The following TEX51 variants were observed in gnomAD, a reference collection of about 807,000 sequenced individuals.
The protein encoded by TEX51 is testis-expressed protein 51.
TEX51 carries 14 observed loss-of-function variants against 8.0 expected under a neutral mutation model. The observed-to-expected ratio is 1.76, with a 90% CI of 1.16 to 2.75. TEX51 has a LOEUF of 2.75. Among genes scored for constraint, TEX51 ranks in the 30% most tolerant of loss-of-function variants. The pLI, the probability that TEX51 is intolerant of heterozygous loss-of-function variation, is 0.00. For synonymous variants in TEX51, 58 were observed against 28.6 expected (o/e 2.03, Z -3.29); for missense variants, 142 against 77.4 (o/e 1.83, Z -3.13).
In TEX51 at chr2:126,901,961, C is replaced by A. The variant is rs1259919085; in HGVS notation, c.*92C>A. The stretch of plus-strand genomic sequence containing the variant: ...TCACTCATCTCTGGGTCCCGGTGAC[C>A]CCATCCCCCCATACCCTCCATCCTG... On this transcript the variant is annotated 3_prime_UTR_variant, in exon 7 of 7. Transcript: ENST00000568484. The A allele has an allele frequency of 3.0e-6, 2 of 662,012 alleles. No homozygotes were observed. The highest frequency in any genetic ancestry group is 2.7e-6 in the Non-Finnish European group (1 of 364,736). 41.0% of individuals were successfully genotyped at this position (662,012 alleles called of 1,614,324 possible).
At chr2:126,900,095 C>T (rs1351298325) in intron 4 of TEX51, 76 bp downstream of exon 4, 1 of 693,674 alleles carries the variant, frequency 1.4e-6, no homozygotes, top group Non-Finnish European at 2.6e-6. Context: ...CTCTGTCATT[C>T]TCTTTTGCCC....
chr2:126,899,897 A>T, intron 3 of TEX51, 39 bp from the exon 4 acceptor site: 2 of 702,106 alleles, frequency 2.8e-6, no homozygotes, highest in South Asian at 3.0e-5. Context: ...GATGAAAGGC[A>T]CCTGGCACCC....
In TEX51 at chr2:126,899,966, G is replaced by A. The variant is rs1364531073; in HGVS notation, c.341G>A (p.Cys114Tyr). ...CAGTCCACACTGAAGGTCACCAGCT[G>A]TGCTGACTGCAGGACTCACTTCCTC... ...DIQSTLKVTS[C>Y]ADCRTHFLSC... is the part of the protein sequence containing the mutation. Residue 114 changes from cysteine (C) to tyrosine (Y), a missense_variant, in exon 4 of 7, where the codon TGT (cysteine) becomes TAT (tyrosine). Cys to Tyr is a radical substitution (Grantham distance 194, BLOSUM62 -2). Transcript: ENST00000568484. 5 of 701,676 alleles carry A rather than the reference G, an allele frequency of 7.1e-6. 1 individual carries two copies. The highest frequency in any genetic ancestry group is 3.0e-5 in the South Asian group (2 of 67,558). 43.5% of individuals were successfully genotyped at this position (701,676 alleles called of 1,614,324 possible). A position where few individuals can be genotyped will look rare whatever the true frequency, so the allele number is the denominator to read the frequency against.
At chr2:126,899,314 G>A in intron 2 of TEX51, 23 bp downstream of exon 2, 2 of 702,142 alleles carry the variant, frequency 2.8e-6, no homozygotes, top group East Asian at 5.4e-5. Context: ...AGAGCCCCAG[G>A]GCCTTGGGGC....
Position 126,899,029 on chromosome 2 carries a change from G to T in TEX51, c.111G>T (p.Trp37Cys). ...TAGACTATGACCTGCAGATCCTCTG[G>T]GTGACCCCAGGGCCACCCACAGAAC... is the stretch of plus-strand genomic sequence containing the variant. ...ALIDYDLQIL[W>C]VTPGPPTELS... Residue 37 changes from tryptophan to cysteine, a missense_variant, in exon 1 of 7, where the codon TGG becomes TGT. Coordinates refer to ENST00000568484, the MANE Select transcript of TEX51 (RefSeq NM_001322244.2). 1.4e-6 allele frequency: 1 copy of T among 702,234 alleles called. No individual in the cohort carries two copies. The highest frequency in any genetic ancestry group is 1.7e-5 in the African/African-American group (1 of 57,316). 43.5% of individuals were successfully genotyped at this position (702,234 alleles called of 1,614,324 possible). A position where few individuals can be genotyped will look rare whatever the true frequency, so the allele number is the denominator to read the frequency against.
At chr2:126,899,721 A>G (rs1277600408) in intron 3 of TEX51, 109 bp downstream of exon 3, 24 of 696,570 alleles carry the variant, frequency 3.4e-5, no homozygotes, top group Non-Finnish European at 6.3e-5. Context: ...CAGGAGCCCC[A>G]CCCCTCTCCA....
At chr2:126,900,065 A>G (rs775435682) in intron 4 of TEX51, 46 bp downstream of exon 4, 6 of 699,336 alleles carry the variant, frequency 8.6e-6, no homozygotes, top group South Asian at 5.9e-5. Flanking sequence ...CCTGCCCTGC[A>G]TTTCTGGAGC....
At chr2:126,900,261 C>A (rs956043215) in intron 4 of TEX51, among the ~76,000 whole-genome samples, 5 of 152,066 alleles carry the variant, frequency 3.3e-5, no homozygotes, top group African/African-American at 9.6e-5. Flanking sequence ...AGATGCCATG[C>A]CTAGAAACAT....
intron 4 of TEX51, among the ~76,000 whole-genome samples, chr2:126,900,446 C>T (rs1680269666): frequency 6.6e-6 from 1 of 151,800 alleles, no homozygotes. Context: ...TGCCCAATCC[C>T]ATCAAACCCC....
chr2:126,899,792 T>C (rs2104714664), intron 3 of TEX51, 144 bp from the exon 4 acceptor site: 2 of 701,992 alleles, frequency 2.8e-6, no homozygotes, highest in East Asian at 2.7e-5. Context: ...TCTGTCTGCC[T>C]CCCCAGCACC....
At position 126,899,991 on chromosome 2, in the gene TEX51, C is replaced by A; in HGVS notation, c.366C>A (p.Leu122=). 1 of 701,372 alleles carries A rather than the reference C, an allele frequency of 1.4e-6. No homozygotes were observed. Among genetic ancestry groups the A allele is most frequent in the Non-Finnish European group, 2.6e-6 (1 of 384,808 alleles). 43.4% of individuals were successfully genotyped at this position (701,372 alleles called of 1,614,324 possible). ...TSCADCRTHF[L]SCNDPTFCPA... Reference sequence around the variant, plus strand: ...GTGCTGACTGCAGGACTCACTTCCTCTCCTGCAATGACCCCACTTTCTGCC... The same window carrying A: ...GTGCTGACTGCAGGACTCACTTCCTATCCTGCAATGACCCCACTTTCTGCC... The change falls in exon 4 of 7, where the codon CTC becomes CTA. Residue 122 remains leucine, a synonymous_variant. Coordinates refer to ENST00000568484, the MANE Select transcript of TEX51 (RefSeq NM_001322244.2).
Position 126,901,956 on chromosome 2 carries a change from G to A in TEX51, c.*87G>A. On this transcript the variant is annotated 3_prime_UTR_variant, in exon 7 of 7. Transcript: ENST00000568484. Reference sequence around the variant, plus strand: ...AAAGTTCACTCATCTCTGGGTCCCGGTGACCCCATCCCCCCATACCCTCCA... The same window carrying A: ...AAAGTTCACTCATCTCTGGGTCCCGATGACCCCATCCCCCCATACCCTCCA... The A allele has an allele frequency of 1.5e-6, 1 of 665,436 alleles. No individual in the cohort carries two copies. The highest frequency in any genetic ancestry group is 1.8e-5 in the African/African-American group (1 of 55,262). 41.2% of individuals were successfully genotyped at this position (665,436 alleles called of 1,614,324 possible).
Position 126,900,038 on chromosome 2 carries a change from G to A in TEX51, c.394+19G>A. On this transcript the variant is annotated intron_variant, in intron 4 of 6. Coordinates refer to ENST00000568484, the MANE Select transcript of TEX51 (RefSeq NM_001322244.2). ...TGCCCAGGTCAGTGGCCACCACCCT[G>A]TCCAGCCTCTCCCCTCCCTGCCCTG... The A allele has an allele frequency of 1.4e-6, 1 of 700,436 alleles. No homozygotes were observed. Among genetic ancestry groups the A allele is most frequent in the East Asian group, 2.7e-5 (1 of 37,266 alleles). 43.4% of individuals were successfully genotyped at this position (700,436 alleles called of 1,614,324 possible).
intron 4 of TEX51, 114 bp from the exon 5 acceptor site, chr2:126,901,096 T>A (rs769766955): frequency 3.1e-5 from 18 of 584,790 alleles, no homozygotes; most frequent in Non-Finnish European, 5.2e-5. Flanking sequence ...AGTAAGTGTT[T>A]GCAAACACAT....
In TEX51 at chr2:126,901,423, C is replaced by T. The variant is rs1214872305; in HGVS notation, c.*2+19C>T. The T allele has an allele frequency of 2.8e-6, 2 of 702,272 alleles. No individual in the cohort carries two copies. Among genetic ancestry groups the T allele is most frequent in the South Asian group, 3.0e-5 (2 of 67,578 alleles). 43.5% of individuals were successfully genotyped at this position (702,272 alleles called of 1,614,324 possible). On this transcript the variant is annotated intron_variant, in intron 6 of 6. Coordinates refer to ENST00000568484, the MANE Select transcript of TEX51 (RefSeq NM_001322244.2). ...AGTAAAGGTACTGGGAAAGGAGACC[C>T]CGACCCAATTCTAGGGCTCCCAGAG... is the stretch of plus-strand genomic sequence containing the variant.
Position 126,899,281 on chromosome 2 carries a change from G to C in TEX51, c.210G>C (p.Thr70=), listed in dbSNP as rs61730218. 5 of 701,800 alleles carry C rather than the reference G, an allele frequency of 7.1e-6. No individual in the cohort carries two copies. Among genetic ancestry groups the C allele is most frequent in the East Asian group, 2.7e-5 (1 of 37,234 alleles). 43.5% of individuals were successfully genotyped at this position (701,800 alleles called of 1,614,324 possible). The stretch of plus-strand genomic sequence containing the variant: ...CTCAAGTACACCAAGCCATTAAAAC[G>C]TTACGAGATGGTGAGGAAGCCAAGA... ...FFTQVHQAIK[T]LRDDKTVLLE... Residue 70 remains threonine, a synonymous_variant, in exon 2 of 7, where the codon ACG becomes ACC. Coordinates refer to ENST00000568484, the MANE Select transcript of TEX51 (RefSeq NM_001322244.2).
chr2:126,901,221 C>G lies in TEX51; in HGVS notation c.406C>G (p.Arg136Gly), dbSNP rs141993761. Residue 136 changes from arginine (R) to glycine (G), a missense_variant, in exon 5 of 7, where the codon CGG becomes GGG. Physicochemically the swap from Arg to Gly is moderately radical, Grantham distance 125. Coordinates refer to ENST00000568484, the MANE Select transcript of TEX51 (RefSeq NM_001322244.2). ...DPTFCPARNR[R>G]TSLWAVSLSS... ...CTTTCACACCCCAGCCAGGAACCGG[C>G]GGACCTCCCTGTGGGCTGTGAGTCT... is the stretch of plus-strand genomic sequence containing the variant. 9 of 662,528 alleles carry G rather than the reference C, an allele frequency of 1.4e-5. No homozygotes were observed. Among genetic ancestry groups the G allele is most frequent in the Non-Finnish European group, 2.5e-5 (9 of 360,790 alleles). The allele number at this position is 662,528 out of a possible 1,614,324, so 41.0% of individuals were successfully genotyped here. A position where few individuals can be genotyped will look rare whatever the true frequency, so the allele number is the denominator to read the frequency against.
Position 126,901,914 on chromosome 2 carries a change from G to A in TEX51, c.*45G>A, listed in dbSNP as rs374496719. 4.7e-4 allele frequency: 317 copies of A among 669,516 alleles called. 3 individuals carry two copies. The African/African-American group carries it at 4.8e-3, about 10-fold the overall frequency. The allele number at this position is 669,516 out of a possible 1,614,324, so 41.5% of individuals were successfully genotyped here. ...TGTCTTCCAGAAGTGAACAGAGGCC[G>A]CAGCTACCACCGTCACAAAGTTCAC... On this transcript the variant is annotated 3_prime_UTR_variant, in exon 7 of 7. Transcript: ENST00000568484.
intron 6 of TEX51, 120 bp downstream of exon 6, chr2:126,901,524 A>G (rs2104729152): frequency 1.5e-6 from 1 of 651,642 alleles, no homozygotes. Flanking sequence ...GGCGTGCAGA[A>G]CAGAGTGGGA....
Sources: gnomAD v4.1 joint callset for allele counts (sites outside exome capture counted in the v4.1 genomes callset) on GRCh38, gnomAD v4.1.1 for gene constraint, MANE v1.5 for transcripts, NCBI Gene and HGNC (gene_info 2026-07-23, HGNC 2026-07-21) for gene names.